Variants in TCF12 observed in about 807,000 individuals in gnomAD.
TCF12 encodes the protein DNA-binding protein HTF4.
Under a neutral mutation model 86.0 loss-of-function variants are expected in TCF12, and 45 were observed. The ratio of observed to expected loss-of-function variants is 0.52; its 90% CI spans 0.41 to 0.67. The LOEUF is 0.67. Among genes scored for constraint, TCF12 ranks in the 30% least tolerant of loss-of-function variants. The probability of loss-of-function intolerance (pLI) is 0.00; values close to 1 mark genes in which losing one functional copy is unlikely to be tolerated. For missense variants in TCF12, 881 were observed against 859.9 expected, an observed-to-expected ratio of 1.02 and a Z score of -0.31; for synonymous variants, 330 against 299.6, an observed-to-expected ratio of 1.10 and a Z score of -1.05.
chr15:56,953,591 T>G (rs2061373766), intron 3 of TCF12, among the ~76,000 whole-genome samples: 1 of 152,084 alleles, frequency 6.6e-6, no homozygotes, highest in Admixed American at 6.5e-5. Flanking sequence ...CAAGTTTAGT[T>G]TCTGGAATAG....
At chr15:57,197,890 T>C in intron 8 of TCF12, 65 bp downstream of exon 8, 1 of 1,530,628 alleles carries the variant, frequency 6.5e-7, no homozygotes, top group South Asian at 1.1e-5. Flanking sequence ...CGTATTACCT[T>C]GCTACAAGGG....
intron 5 of TCF12, among the ~76,000 whole-genome samples, chr15:57,154,103 C>G (rs2053954892): frequency 6.6e-6 from 1 of 151,944 alleles, no homozygotes; most frequent in South Asian, 2.1e-4. Flanking sequence ...TTAAATCCAG[C>G]CATATCAGTA....
intron 3 of TCF12, among the ~76,000 whole-genome samples, chr15:57,044,593 C>G (rs532173609): frequency 6.6e-6 from 1 of 151,792 alleles, no homozygotes; most frequent in Non-Finnish European, 1.5e-5. Flanking sequence ...TCTTTTCTAA[C>G]TATTGTAATT....
chr15:57,129,944 GCTC>G (rs1206447037), intron 5 of TCF12: 7 of 152,202 alleles, frequency 4.6e-5, no homozygotes, highest in African/African-American at 1.7e-4. Context: ...TTTTGCCTAT[GCTC>G]CTCTACTGTG....
intron 5 of TCF12, among the ~76,000 whole-genome samples, chr15:57,139,303 A>G (rs1296551248): frequency 2.0e-5 from 3 of 152,122 alleles, no homozygotes; most frequent in East Asian, 1.9e-4. Flanking sequence ...AATCCGTTTT[A>G]TGGCTATTAA....
chr15:56,927,274 T>C (rs996137535), intron 3 of TCF12, among the ~76,000 whole-genome samples: 3 of 152,186 alleles, frequency 2.0e-5, no homozygotes, highest in Admixed American at 1.3e-4. Context: ...GAAGACCGTC[T>C]TTTTTCTGCA....
At chr15:56,979,075 G>T (rs537995805) in intron 3 of TCF12, among the ~76,000 whole-genome samples, 10 of 152,254 alleles carry the variant, frequency 6.6e-5, no homozygotes, top group Admixed American at 3.9e-4. Flanking sequence ...GCAGTGTTTG[G>T]ATGGCCGACA....
chr15:57,031,053 T>C (rs946597571), intron 3 of TCF12, among the ~76,000 whole-genome samples: 3 of 152,240 alleles, frequency 2.0e-5, no homozygotes, highest in Non-Finnish European at 4.4e-5. Context: ...GTGTGAATTA[T>C]TATTTCTGTA....
intron 8 of TCF12, among the ~76,000 whole-genome samples, chr15:57,226,905 T>C (rs2058908968): frequency 7.3e-6 from 1 of 137,086 alleles, no homozygotes; most frequent in Admixed American, 7.2e-5. Flanking sequence ...TGTTCAGTAG[T>C]CATGTGACTG....
At chr15:57,273,983 G>A (rs1367762742) in intron 19 of TCF12, among the ~76,000 whole-genome samples, 1 of 152,142 alleles carries the variant, frequency 6.6e-6, no homozygotes. Context: ...TAGGCCCTGG[G>A]TTATCAAATA....
chr15:56,954,882 A>G (rs150362101), intron 3 of TCF12, among the ~76,000 whole-genome samples: 28 of 152,326 alleles, frequency 1.8e-4, no homozygotes, highest in African/African-American at 5.3e-4. Context: ...AATGGCAATC[A>G]TTAAAAAGTT....
At chr15:57,258,909 C>T (rs2060465369) in intron 16 of TCF12, among the ~76,000 whole-genome samples, 2 of 152,128 alleles carry the variant, frequency 1.3e-5, no homozygotes, top group South Asian at 2.1e-4. Flanking sequence ...TGTCATTTAT[C>T]AAAATAAATT....
intron 12 of TCF12, among the ~76,000 whole-genome samples, chr15:57,235,188 A>G (rs563728613): frequency 6.6e-6 from 1 of 152,310 alleles, no homozygotes; most frequent in African/African-American, 2.4e-5. Context: ...ATCATATAAT[A>G]ATAATAGTAA....
In TCF12 at chr15:57,109,963, T is replaced by C. The variant is rs546321253; in HGVS notation, c.325+18072T>C. ...GTATATGATAGATGAAATATTTTAATTGAAGACACAAATAGTTCTAATATT... is the reference window on the plus strand; with the variant it reads ...GTATATGATAGATGAAATATTTTAACTGAAGACACAAATAGTTCTAATATT... On this transcript the variant is annotated intron_variant, in intron 5 of 20. Coordinates refer to ENST00000333725, the MANE Select transcript of TCF12 (RefSeq NM_207037.2). Among the ~76,000 whole-genome samples the C allele has an allele frequency of 7.7e-4, 117 of 152,282 alleles. 2 individuals are homozygous for C. The South Asian group carries it at 0.023, about 30-fold the overall frequency.
At chr15:57,016,405 T>G (rs1461668918) in intron 3 of TCF12, among the ~76,000 whole-genome samples, 1 of 152,104 alleles carries the variant, frequency 6.6e-6, no homozygotes, top group Non-Finnish European at 1.5e-5. Context: ...ATTTCTAAGG[T>G]AGACTTTGAT....
intron 20 of TCF12, among the ~76,000 whole-genome samples, chr15:57,283,778 A>G (rs2061806588): frequency 6.6e-6 from 1 of 152,230 alleles, no homozygotes; most frequent in Non-Finnish European, 1.5e-5. Context: ...AACTACAAAT[A>G]TTAGTAACTC....
At chr15:57,223,516 G>A (rs926199032) in intron 8 of TCF12, among the ~76,000 whole-genome samples, 2 of 151,820 alleles carry the variant, frequency 1.3e-5, no homozygotes, top group Non-Finnish European at 2.9e-5. Flanking sequence ...GCAAATTTTT[G>A]TCAACTTTTG....
chr15:56,952,491 C>T lies in TCF12; in HGVS notation c.148+31393C>T, dbSNP rs537571946. 5.4e-4 allele frequency among the ~76,000 whole-genome samples: 82 copies of T among 151,994 alleles called. 1 individual carries two copies. Among genetic ancestry groups the T allele is most frequent in the Non-Finnish European group, 9.9e-4 (67 of 67,950 alleles). ...AGATCAATTTGGGGAGAATTGACAT[C>T]GTAATAGGGTTTTCTGATCCATGTA... is the stretch of plus-strand genomic sequence containing the variant. On this transcript the variant is annotated intron_variant, in intron 3 of 20. Coordinates refer to ENST00000333725, the MANE Select transcript of TCF12 (RefSeq NM_207037.2).
At chr15:57,218,859 A>G (rs2058446805) in intron 8 of TCF12, among the ~76,000 whole-genome samples, 1 of 152,148 alleles carries the variant, frequency 6.6e-6, no homozygotes, top group South Asian at 2.1e-4. Flanking sequence ...TCCTCAACAT[A>G]ATTTTTGTAG....
Sources: allele counts gnomAD v4.1 joint callset (sites outside exome capture counted in the v4.1 genomes callset), GRCh38; gene constraint gnomAD v4.1.1; transcripts MANE v1.5; gene names NCBI Gene and HGNC (gene_info 2026-07-23, HGNC 2026-07-21).